CMTM8: variants seen among roughly 807,000 people sequenced by gnomAD.
The protein encoded by CMTM8 is CKLF-like MARVEL transmembrane domain-containing protein 8.
Under a neutral mutation model 18.6 loss-of-function variants are expected in CMTM8, and 12 were observed. The ratio of observed to expected loss-of-function variants is 0.65; its 90% CI spans 0.41 to 1.05. The LOEUF (loss-of-function observed/expected upper bound fraction) is 1.05. CMTM8 is among the 50% of genes least tolerant of loss of function. The pLI is 0.00. For synonymous variants in CMTM8, 87 were observed against 90.6 expected, an observed-to-expected ratio of 0.96 and a Z score of 0.23; for missense variants, 217 against 227.2, an observed-to-expected ratio of 0.95 and a Z score of 0.29.
intron 2 of CMTM8, among the ~76,000 whole-genome samples, chr3:32,364,993 G>A (rs1273371570): frequency 6.6e-6 from 1 of 152,138 alleles, no homozygotes; most frequent in Non-Finnish European, 1.5e-5. Context: ...TAGCAGCTGG[G>A]ATTCTGCTGT....
At chr3:32,351,385 A>G (rs1343748055) in intron 1 of CMTM8, among the ~76,000 whole-genome samples, 1 of 152,252 alleles carries the variant, frequency 6.6e-6, no homozygotes, top group Non-Finnish European at 1.5e-5. Context: ...GACCTTGCTA[A>G]GAAGGTAAAA....
chr3:32,364,117 A>G (rs1209433508), intron 2 of CMTM8, among the ~76,000 whole-genome samples: 20 of 152,164 alleles, frequency 1.3e-4, no homozygotes, highest in Non-Finnish European at 7.3e-5. Flanking sequence ...ATGCCTTGTA[A>G]TCCCAGCACT....
At chr3:32,338,234 G>A (rs1043323142) in intron 1 of CMTM8, among the ~76,000 whole-genome samples, 3 of 151,870 alleles carry the variant, frequency 2.0e-5, no homozygotes, top group South Asian at 2.1e-4. Context: ...TGCCCGCCTC[G>A]GCCTCCTAAA....
intron 1 of CMTM8, among the ~76,000 whole-genome samples, chr3:32,330,040 A>G (rs1696241666): frequency 2.6e-5 from 4 of 152,194 alleles, no homozygotes; most frequent in South Asian, 4.1e-4. Flanking sequence ...AGATGTTTAC[A>G]CTGAAAACTA....
intron 1 of CMTM8, among the ~76,000 whole-genome samples, chr3:32,278,418 T>C (rs1344933380): frequency 6.6e-6 from 1 of 152,202 alleles, no homozygotes; most frequent in East Asian, 1.9e-4. Flanking sequence ...CTCTCTCCAG[T>C]CTTCCCGTAA....
At chr3:32,351,477 G>T (rs952575345) in intron 1 of CMTM8, among the ~76,000 whole-genome samples, 2 of 152,190 alleles carry the variant, frequency 1.3e-5, no homozygotes, top group Non-Finnish European at 2.9e-5. Flanking sequence ...GGAGACCATG[G>T]CAGGAGGATC....
At chr3:32,332,224 C>G (rs1178583799) in intron 1 of CMTM8, among the ~76,000 whole-genome samples, 1 of 152,190 alleles carries the variant, frequency 6.6e-6, no homozygotes, top group African/African-American at 2.4e-5. Flanking sequence ...TTAGCTGCAG[C>G]CCGTCGCAGT....
At chr3:32,306,006 T>C (rs897385944) in intron 1 of CMTM8, among the ~76,000 whole-genome samples, 1 of 152,230 alleles carries the variant, frequency 6.6e-6, no homozygotes, top group Admixed American at 6.5e-5. Context: ...TTCCTGGTAC[T>C]CCTTGGAGTG....
intron 1 of CMTM8, among the ~76,000 whole-genome samples, chr3:32,353,647 G>C (rs1419879722): frequency 6.6e-6 from 1 of 152,204 alleles, no homozygotes; most frequent in East Asian, 1.9e-4. Flanking sequence ...AGAGAAAGAT[G>C]TGCAGGCGGT....
intron 1 of CMTM8, among the ~76,000 whole-genome samples, chr3:32,267,951 C>T (rs1381954343): frequency 2.0e-5 from 3 of 152,146 alleles, no homozygotes; most frequent in Admixed American, 2.0e-4. Context: ...ACAACAGGTG[C>T]TGGAGAGGAT....
chr3:32,357,078 T>G (rs1305975136), intron 1 of CMTM8, among the ~76,000 whole-genome samples: 1 of 152,104 alleles, frequency 6.6e-6, no homozygotes, highest in Non-Finnish European at 1.5e-5. Flanking sequence ...GGTATATGCA[T>G]GAAAGTTGTA....
chr3:32,277,601 G>C (rs1474447899), intron 1 of CMTM8, among the ~76,000 whole-genome samples: 1 of 151,982 alleles, frequency 6.6e-6, no homozygotes, highest in African/African-American at 2.4e-5. Flanking sequence ...GTGTTGTGTT[G>C]TCCAAACTCA....
intron 1 of CMTM8, among the ~76,000 whole-genome samples, chr3:32,319,539 G>C (rs1285399571): frequency 2.0e-5 from 3 of 151,928 alleles, no homozygotes; most frequent in African/African-American, 7.3e-5. Flanking sequence ...TACTTTTAAA[G>C]TTTTCTTCAC....
At chr3:32,314,865 G>C (rs893739059) in intron 1 of CMTM8, among the ~76,000 whole-genome samples, 7 of 150,422 alleles carry the variant, frequency 4.7e-5, no homozygotes, top group Admixed American at 1.3e-4. Flanking sequence ...TGGCGGGGGG[G>C]GTCCAACTGA....
At chr3:32,318,510 A>G (rs1395404738) in intron 1 of CMTM8, among the ~76,000 whole-genome samples, 1 of 151,872 alleles carries the variant, frequency 6.6e-6, no homozygotes, top group Non-Finnish European at 1.5e-5. Context: ...GAGAAATGTG[A>G]AACTGCGCAC....
In CMTM8 at chr3:32,356,918, A is replaced by G. The variant is rs147172841; in HGVS notation, c.148-455A>G. 6.1e-3 allele frequency among the ~76,000 whole-genome samples: 927 copies of G among 152,318 alleles called. 5 individuals are homozygous for G. Among genetic ancestry groups the G allele is most frequent in the Non-Finnish European group, 0.011 (717 of 68,022 alleles). ...GAAGACCTGGCAAAACCAGCCCACA[A>G]CTATCAGCTAGAGCTGAATTTTAAG... On this transcript the variant is annotated intron_variant, in intron 1 of 3. Coordinates refer to ENST00000307526, the MANE Select transcript of CMTM8 (RefSeq NM_178868.5).
chr3:32,287,878 A>T (rs188562595), intron 1 of CMTM8, among the ~76,000 whole-genome samples: 64 of 152,286 alleles, frequency 4.2e-4, no homozygotes, highest in Admixed American at 3.4e-3. Context: ...ACCACTAAAG[A>T]ATCTGGAAAT....
At chr3:32,259,730 G>T in intron 1 of CMTM8, 2 of 997,302 alleles carry the variant, frequency 2.0e-6, no homozygotes, top group Middle Eastern at 2.8e-4. Flanking sequence ...GAAGAACTGA[G>T]AGGAGCTGGA....
intron 1 of CMTM8, among the ~76,000 whole-genome samples, chr3:32,325,242 C>G (rs182473053): frequency 6.6e-6 from 1 of 152,182 alleles, no homozygotes; most frequent in Non-Finnish European, 1.5e-5. Context: ...TGACCATCCC[C>G]GGTGGGTCAT....
Sources: gnomAD v4.1 joint callset for allele counts (sites outside exome capture counted in the v4.1 genomes callset) on GRCh38, gnomAD v4.1.1 for gene constraint, MANE v1.5 for transcripts, NCBI Gene and HGNC (gene_info 2026-07-23, HGNC 2026-07-21) for gene names.